The following RTL4 variants were observed in gnomAD, a reference collection of about 807,000 sequenced individuals.
RTL4 encodes the protein retrotransposon Gag-like protein 4.
RTL4 carries 4 observed loss-of-function variants against 5.3 expected under a neutral mutation model. That is an observed-to-expected ratio of 0.75 (90% confidence interval 0.37 to 1.72). The LOEUF is 1.72. RTL4 is among the 40% of genes most tolerant of loss of function. The probability of loss-of-function intolerance (pLI) is 0.04; values close to 1 mark genes in which losing one functional copy is unlikely to be tolerated. For missense variants in RTL4, 260 were observed against 227.1 expected (o/e 1.14, Z -0.93); for synonymous variants, 98 against 87.3 (o/e 1.12, Z -0.68).
chrX:112,160,481 G>A, the RTL4 span, among the ~76,000 whole-genome samples: 1 of 112,231 alleles, frequency 8.9e-6, no homozygotes, highest in Non-Finnish European at 1.9e-5. Context: ...AGAGATGTAT[G>A]AGATAAATCA....
chrX:112,122,645 C>T, the RTL4 span, among the ~76,000 whole-genome samples: 1 of 109,021 alleles, frequency 9.2e-6, no homozygotes, highest in African/African-American at 3.3e-5. Context: ...GAATAAATAC[C>T]CTAAAAATAT....
chrX:112,233,210 C>T, the RTL4 span, among the ~76,000 whole-genome samples: 10 of 111,983 alleles, frequency 8.9e-5, no homozygotes, highest in Non-Finnish European at 1.3e-4. Context: ...TCACAACGGG[C>T]ATAGCTGAGC....
the RTL4 span, among the ~76,000 whole-genome samples, chrX:112,231,332 A>T: frequency 1.8e-5 from 2 of 110,349 alleles, no homozygotes; most frequent in Admixed American, 9.7e-5. Flanking sequence ...CAAATGTCCA[A>T]CAATGATAGA....
At chrX:112,226,974 T>TAAAATAAAAC in the RTL4 span, among the ~76,000 whole-genome samples, 2 of 64,345 alleles carry the variant, frequency 3.1e-5, no homozygotes, top group African/African-American at 1.1e-4. Context: ...AATAAAATAA[T>TAAAATAAAAC]AAAATAAAAT....
At chrX:112,238,155 AATATAACATTACTGTTCAGCT>A in the RTL4 span, among the ~76,000 whole-genome samples, 1,919 of 111,925 alleles carry the variant, frequency 0.017, 44 homozygotes, top group African/African-American at 0.06. Flanking sequence ...GTTTTTAGAC[AATATAACATTACTGTTCAGCT>A]GAAGGCCCCT....
chrX:112,335,043 G>A, the RTL4 span, among the ~76,000 whole-genome samples: 1 of 111,631 alleles, frequency 9.0e-6, no homozygotes, highest in Non-Finnish European at 1.9e-5. Flanking sequence ...AATTTCTATG[G>A]CCTGGAATAA....
At chrX:112,128,900 G>A in the RTL4 span, among the ~76,000 whole-genome samples, 1 of 111,114 alleles carries the variant, frequency 9.0e-6, no homozygotes, top group Non-Finnish European at 1.9e-5. Flanking sequence ...AAATGTAAAA[G>A]ATAGCCTACT....
At chrX:112,330,582 C>T in the RTL4 span, among the ~76,000 whole-genome samples, 1 of 110,524 alleles carries the variant, frequency 9.0e-6, no homozygotes, top group East Asian at 2.8e-4. Flanking sequence ...CCATACTGCC[C>T]AAGGTAATTT....
chrX:112,233,438 T>G, the RTL4 span, among the ~76,000 whole-genome samples: 756 of 110,626 alleles, frequency 6.8e-3, 8 homozygotes, highest in African/African-American at 0.024. Flanking sequence ...ATTATAGCCC[T>G]TGAGGTGAAG....
chrX:112,409,503 C>T, the RTL4 span, among the ~76,000 whole-genome samples: 2 of 110,411 alleles, frequency 1.8e-5, no homozygotes, highest in African/African-American at 3.3e-5. Flanking sequence ...GGGTGGATCA[C>T]GAGGTCGGGA....
At chrX:112,377,752 T>TGTGTGTGA in the RTL4 span, among the ~76,000 whole-genome samples, 2 of 111,697 alleles carry the variant, frequency 1.8e-5, no homozygotes, top group Non-Finnish European at 3.8e-5. Context: ...TTGAGATATA[T>TGTGTGTGA]GACACAACAC....
the RTL4 span, among the ~76,000 whole-genome samples, chrX:112,271,102 G>C: frequency 1.9e-5 from 2 of 106,929 alleles, no homozygotes; most frequent in Non-Finnish European, 3.8e-5. Context: ...GTCCACATCA[G>C]TTAGGGTTTG....
the RTL4 span, among the ~76,000 whole-genome samples, chrX:112,202,160 A>C: frequency 1.8e-5 from 2 of 111,790 alleles, 1 homozygote; most frequent in South Asian, 7.5e-4. Context: ...ACCCCTGTCT[A>C]TAACAAATAT....
chrX:112,212,380 A>T, the RTL4 span, among the ~76,000 whole-genome samples: 5 of 112,472 alleles, frequency 4.4e-5, no homozygotes, highest in South Asian at 1.9e-3. Context: ...CGTCTCAAAA[A>T]AAAAATAAAA....
chrX:112,295,306 T>C, the RTL4 span, among the ~76,000 whole-genome samples: 1 of 111,646 alleles, frequency 9.0e-6, no homozygotes, highest in South Asian at 3.9e-4. Context: ...TGCTGTTGTC[T>C]TCTCCATCCT....
chrX:112,236,428 G>T, the RTL4 span, among the ~76,000 whole-genome samples: 2 of 75,508 alleles, frequency 2.6e-5, no homozygotes, highest in Non-Finnish European at 4.7e-5. Flanking sequence ...TCTATATATA[G>T]ATATAGATCT....
the RTL4 span, among the ~76,000 whole-genome samples, chrX:112,101,068 CATGGAACACAT>C: frequency 8.9e-6 from 1 of 111,745 alleles, no homozygotes; most frequent in Non-Finnish European, 1.9e-5. Context: ...TTGTGGCCTA[CATGGAACACAT>C]ATTTTTACTA....
chrX:112,437,861 G>A, the RTL4 span, among the ~76,000 whole-genome samples: 2 of 105,892 alleles, frequency 1.9e-5, no homozygotes, highest in Admixed American at 1.0e-4. Flanking sequence ...TGGTGGTAGA[G>A]GTTGTTATGT....
At chrX:112,257,321 G>A in the RTL4 span, among the ~76,000 whole-genome samples, 2 of 110,903 alleles carry the variant, frequency 1.8e-5, no homozygotes, top group Non-Finnish European at 3.8e-5. Flanking sequence ...ATCAAACTTG[G>A]CCATGCTGTG....
Sources: allele counts gnomAD v4.1 joint callset (sites outside exome capture counted in the v4.1 genomes callset), GRCh38; gene constraint gnomAD v4.1.1; transcripts MANE v1.5; gene names NCBI Gene and HGNC (gene_info 2026-07-23, HGNC 2026-07-21).